TENM1: variants seen among roughly 807,000 people sequenced by gnomAD.
TENM1 encodes teneurin-1.
Under a neutral mutation model 174.8 loss-of-function variants are expected in TENM1, and 35 were observed. The ratio of observed to expected loss-of-function variants is 0.20; its 90% CI spans 0.15 to 0.27. The LOEUF (loss-of-function observed/expected upper bound fraction) is 0.27, where lower values mean the gene tolerates loss of function less well. Among genes scored for constraint, TENM1 ranks in the 10% least tolerant of loss-of-function variants. The pLI, the probability that TENM1 is intolerant of heterozygous loss-of-function variation, is 1.00. For synonymous variants in TENM1, 781 were observed against 798.7 expected (o/e 0.98, Z 0.37); for missense variants, 1,633 against 2,130.1 (o/e 0.77, Z 4.59).
At chrX:125,060,415 A>C in the TENM1 span, among the ~76,000 whole-genome samples, 1 of 111,083 alleles carries the variant, frequency 9.0e-6, no homozygotes, top group Non-Finnish European at 1.9e-5. Context: ...GGACCTCTAG[A>C]ATGATAATTT....
the TENM1 span, among the ~76,000 whole-genome samples, chrX:125,119,697 G>A: frequency 9.0e-6 from 1 of 110,722 alleles, no homozygotes; most frequent in African/African-American, 3.3e-5. Flanking sequence ...TCTGCTTCAA[G>A]GCAACAGATG....
intron 9 of TENM1, 58 bp downstream of exon 12, chrX:124,646,651 T>C (rs1200464848): frequency 3.5e-6 from 3 of 851,683 alleles, no homozygotes; most frequent in Admixed American, 4.8e-5. Context: ...CTACTAATTC[T>C]GGGTTATGAA....
At chrX:124,401,893 C>T (rs1419875911) in intron 27 of TENM1, among the ~76,000 whole-genome samples, 4 of 112,064 alleles carry the variant, frequency 3.6e-5, no homozygotes, top group South Asian at 3.8e-4. Flanking sequence ...CCTGTGCCTC[C>T]CACACTTGCC....
At chrX:124,705,036 G>A (rs1331132094) in exon 5 of TENM1, 3 of 1,207,181 alleles carry the variant, frequency 2.5e-6, no homozygotes, top group East Asian at 3.0e-5. Context: ...TAGTAACAAG[G>A]CCAAAGTCAC....
chrX:125,010,586 G>A, the TENM1 span, among the ~76,000 whole-genome samples: 2 of 109,186 alleles, frequency 1.8e-5, no homozygotes, highest in Non-Finnish European at 3.8e-5. Context: ...AGGCCGAGAC[G>A]GGCGGATCAT....
chrX:124,909,611 C>G (rs2147633739), intron 1 of TENM1, among the ~76,000 whole-genome samples: 1 of 111,907 alleles, frequency 8.9e-6, no homozygotes, highest in African/African-American at 3.2e-5. Context: ...TGTACTAATT[C>G]TTATGGATTC....
At chrX:125,152,840 A>G in the TENM1 span, among the ~76,000 whole-genome samples, 1 of 112,199 alleles carries the variant, frequency 8.9e-6, no homozygotes. Context: ...CAAAGAATGG[A>G]GGTGTGTCTT....
the TENM1 span, among the ~76,000 whole-genome samples, chrX:125,132,901 CAT>C: frequency 8.9e-6 from 1 of 112,082 alleles, no homozygotes; most frequent in African/African-American, 3.2e-5. Context: ...TATACACACT[CAT>C]AACATTATTA....
intron 4 of TENM1, among the ~76,000 whole-genome samples, chrX:124,716,086 C>A (rs1056709424): frequency 2.7e-5 from 3 of 111,768 alleles, no homozygotes; most frequent in Non-Finnish European, 5.6e-5. Context: ...CATACATGTA[C>A]ATTAAAGGTA....
intron 1 of TENM1, among the ~76,000 whole-genome samples, chrX:124,907,338 T>G (rs1203780797): frequency 1.8e-5 from 2 of 112,442 alleles, no homozygotes; most frequent in Non-Finnish European, 1.9e-5. Flanking sequence ...AAATCCTGAA[T>G]GGCTAGATTG....
intron 3 of TENM1, among the ~76,000 whole-genome samples, chrX:124,804,341 C>A (rs1009723968): frequency 8.9e-6 from 1 of 112,184 alleles, no homozygotes; most frequent in African/African-American, 3.2e-5. Flanking sequence ...TAAATTATTC[C>A]TGTCAATGAA....
chrX:124,536,364 C>T (rs780857766), intron 15 of TENM1, among the ~76,000 whole-genome samples: 2 of 111,227 alleles, frequency 1.8e-5, no homozygotes, highest in South Asian at 7.7e-4. Context: ...GGTCACTGCC[C>T]CAAATAAACA....
intron 4 of TENM1, among the ~76,000 whole-genome samples, chrX:124,729,155 G>C (rs1047525788): frequency 8.9e-6 from 1 of 112,026 alleles, no homozygotes; most frequent in Non-Finnish European, 1.9e-5. Context: ...TCCATAGACT[G>C]GGAAGTATAT....
intron 20 of TENM1, among the ~76,000 whole-genome samples, chrX:124,488,379 T>C (rs962699700): frequency 1.8e-5 from 2 of 112,292 alleles, no homozygotes; most frequent in Non-Finnish European, 3.8e-5. Context: ...GAAGAAAATA[T>C]ACAAAATTTT....
chrX:124,464,648 C>T (rs948633276), intron 22 of TENM1, among the ~76,000 whole-genome samples: 10 of 111,740 alleles, frequency 8.9e-5, no homozygotes, highest in African/African-American at 3.3e-4. Flanking sequence ...GTTCAAGAGA[C>T]GTTTGGGAGA....
chrX:124,391,273 T>A (rs1186035065), intron 28 of TENM1, among the ~76,000 whole-genome samples: 1 of 111,458 alleles, frequency 9.0e-6, no homozygotes, highest in Non-Finnish European at 1.9e-5. Context: ...TTTGTAGAAA[T>A]TAATTTAGGA....
At chrX:124,906,646 A>C (rs985373979) in intron 1 of TENM1, among the ~76,000 whole-genome samples, 4 of 112,304 alleles carry the variant, frequency 3.6e-5, no homozygotes, top group Non-Finnish European at 5.6e-5. Flanking sequence ...TATTTGTAAG[A>C]GCCAAAGCTG....
In TENM1 at chrX:124,758,815, G is replaced by A. The variant is rs756692202; in HGVS notation, c.536-21618C>T. Among the ~76,000 whole-genome samples, 9 of 111,853 alleles carry A rather than the reference G, an allele frequency of 8.0e-5. No individual in the cohort carries two copies. In the South Asian group the frequency reaches 3.4e-3, roughly 42 times the overall value. On this transcript the variant is annotated intron_variant, in intron 3 of 31. Coordinates refer to ENST00000422452, the Ensembl canonical transcript of TENM1. ...TACTACATAATACCACTTATATGAG[G>A]AATCTAAATCTAAAATAGTCAAACT... is the stretch of plus-strand genomic sequence containing the variant.
chrX:125,063,408 C>T, the TENM1 span, among the ~76,000 whole-genome samples: 1 of 111,608 alleles, frequency 9.0e-6, no homozygotes, highest in African/African-American at 3.3e-5. Flanking sequence ...TTGCAATCTA[C>T]TCATCTGACA....
Sources: allele counts gnomAD v4.1 joint callset (sites outside exome capture counted in the v4.1 genomes callset), GRCh38; gene constraint gnomAD v4.1.1; transcripts MANE v1.5; gene names NCBI Gene and HGNC (gene_info 2026-07-23, HGNC 2026-07-21).